Variants in ASTN1 observed in about 807,000 individuals in gnomAD.
ASTN1 encodes the protein astrotactin 1.
A neutral mutation model predicts 140.7 loss-of-function variants in ASTN1; 41 were observed. The ratio of observed to expected loss-of-function variants is 0.29; its 90% CI spans 0.23 to 0.38. The LOEUF is 0.38. Among genes scored for constraint, ASTN1 ranks in the 10% least tolerant of loss-of-function variants. The pLI is 1.00. For synonymous variants in ASTN1, 640 were observed against 652.2 expected (o/e 0.98, Z 0.29); for missense variants, 1,479 against 1,678.8 (o/e 0.88, Z 2.08).
intron 1 of ASTN1, among the ~76,000 whole-genome samples, chr1:177,123,457 T>C (rs2102185139): frequency 6.6e-6 from 1 of 152,340 alleles, no homozygotes; most frequent in East Asian, 1.9e-4. Context: ...GAGCATCTGT[T>C]CCTCAGCAAA....
intron 8 of ASTN1, among the ~76,000 whole-genome samples, chr1:177,005,707 G>A (rs1290120939): frequency 6.6e-6 from 1 of 152,126 alleles, no homozygotes; most frequent in Non-Finnish European, 1.5e-5. Context: ...TGGTGTGTAT[G>A]TGTATGTGTG....
chr1:177,013,887 A>G (rs2101938060), intron 8 of ASTN1, among the ~76,000 whole-genome samples: 1 of 152,306 alleles, frequency 6.6e-6, no homozygotes, highest in Non-Finnish European at 1.5e-5. Flanking sequence ...TTGCTTTTAA[A>G]AAGTAATAGA....
chr1:177,105,657 C>A (rs936419936), intron 1 of ASTN1, among the ~76,000 whole-genome samples: 19 of 151,236 alleles, frequency 1.3e-4, no homozygotes, highest in Admixed American at 5.9e-4. Flanking sequence ...AAAAAAAAAA[C>A]CTCACATTTA....
chr1:176,873,015 A>G (rs185700609), intron 21 of ASTN1, among the ~76,000 whole-genome samples: 114 of 152,322 alleles, frequency 7.5e-4, no homozygotes, highest in Non-Finnish European at 1.3e-4. Flanking sequence ...TACTGCCTAG[A>G]ACAGGTATTT....
chr1:176,912,724 G>A (rs1670299050), intron 16 of ASTN1, among the ~76,000 whole-genome samples: 1 of 152,164 alleles, frequency 6.6e-6, no homozygotes, highest in African/African-American at 2.4e-5. Context: ...AACACAGGGG[G>A]ATGGTGGAAT....
chr1:176,960,085 G>T (rs1449552190), intron 9 of ASTN1, among the ~76,000 whole-genome samples: 1 of 152,070 alleles, frequency 6.6e-6, no homozygotes, highest in African/African-American at 2.4e-5. Flanking sequence ...ACTTCATCTG[G>T]TAAGATTAAG....
chr1:176,882,982 C>T lies in ASTN1; in HGVS notation c.3239G>A (p.Ser1080Asn), dbSNP rs1222221137. 1 of 1,614,104 alleles carries T rather than the reference C, an allele frequency of 6.2e-7. No homozygotes were observed. Among genetic ancestry groups the T allele is most frequent in the South Asian group, 1.1e-5 (1 of 91,076 alleles). Residue 1080 changes from serine to asparagine, a missense_variant, in exon 20 of 23, where the codon AGC (serine) becomes AAC (asparagine). Around this residue, in one of 3 missense-constraint regions of ASTN1, gnomAD observed 746 missense variants for 800.9 expected, o/e 0.93. Transcript: ENST00000361833. ...HSKVETETVLSFVDDIISGAK... is the reference protein window; with the variant it reads ...HSKVETETVLNFVDDIISGAK... ...TCCAGAGATGATGTCGTCCACAAAG[C>T]TCAGCACTGTTTCTGCCCAGAGGAG...
At chr1:176,894,516 T>C (rs1466944994) in intron 17 of ASTN1, 46 bp downstream of exon 17, 1 of 1,596,744 alleles carries the variant, frequency 6.3e-7, no homozygotes, top group Non-Finnish European at 8.5e-7. Context: ...GAAAGCCTTC[T>C]GTTGTGGTTG....
intron 16 of ASTN1, among the ~76,000 whole-genome samples, chr1:176,921,598 T>C (rs546435359): frequency 6.6e-6 from 1 of 152,330 alleles, no homozygotes; most frequent in Non-Finnish European, 1.5e-5. Context: ...ACAATAACAA[T>C]CACTAATTGG....
At chr1:177,034,168 C>G (rs752570120) in intron 2 of ASTN1, among the ~76,000 whole-genome samples, 6 of 151,600 alleles carry the variant, frequency 4.0e-5, no homozygotes, top group Non-Finnish European at 5.9e-5. Flanking sequence ...ATAATTATAC[C>G]TTGGATTTAT....
chr1:177,154,594 A>G (rs568857583), intron 1 of ASTN1, among the ~76,000 whole-genome samples: 5 of 152,292 alleles, frequency 3.3e-5, no homozygotes, highest in African/African-American at 9.6e-5. Context: ...TATCAGAATA[A>G]CAATATGACA....
intron 21 of ASTN1, among the ~76,000 whole-genome samples, chr1:176,872,681 C>T (rs1668398352): frequency 6.6e-6 from 1 of 152,096 alleles, no homozygotes. Flanking sequence ...GTGGAATCTT[C>T]CCCACACTCT....
In ASTN1 at chr1:177,045,237, T is replaced by C. The variant is rs150207736; in HGVS notation, c.472-12388A>G. ...TAATCCCTAATTCTGTTGCTCCCCA[T>C]ATCATGGCTCTGACTGGACTTGCAG... On this transcript the variant is annotated intron_variant, in intron 2 of 22. Transcript: ENST00000361833. 1.4e-4 allele frequency among the ~76,000 whole-genome samples: 22 copies of C among 152,344 alleles called. No homozygotes were observed. The East Asian group carries it at 4.2e-3, about 29-fold the overall frequency.
At chr1:177,075,908 C>T (rs1387545797) in intron 1 of ASTN1, among the ~76,000 whole-genome samples, 2 of 152,010 alleles carry the variant, frequency 1.3e-5, no homozygotes, top group Non-Finnish European at 2.9e-5. Context: ...TCCCAAAGCA[C>T]CGTGATTACA....
chr1:177,059,007 C>G (rs941251630), intron 2 of ASTN1, among the ~76,000 whole-genome samples: 2 of 152,246 alleles, frequency 1.3e-5, no homozygotes, highest in South Asian at 4.2e-4. Flanking sequence ...CCCTAGACTC[C>G]CCTTCTGACA....
chr1:177,055,390 T>C (rs918679036), intron 2 of ASTN1, among the ~76,000 whole-genome samples: 1 of 152,246 alleles, frequency 6.6e-6, no homozygotes, highest in Non-Finnish European at 1.5e-5. Flanking sequence ...CAAACCTTAG[T>C]TGGCACTTGA....
intron 1 of ASTN1, among the ~76,000 whole-genome samples, chr1:177,120,139 T>C (rs1390487519): frequency 3.9e-5 from 6 of 152,158 alleles, no homozygotes; most frequent in Non-Finnish European, 8.8e-5. Flanking sequence ...GCAGTGGAGC[T>C]CCTATAGCTG....
At chr1:177,072,956 A>G (rs1678716132) in intron 1 of ASTN1, among the ~76,000 whole-genome samples, 1 of 152,254 alleles carries the variant, frequency 6.6e-6, no homozygotes, top group Admixed American at 6.5e-5. Flanking sequence ...AATGAAAAAA[A>G]AAAGTGCTGG....
intron 1 of ASTN1, among the ~76,000 whole-genome samples, chr1:177,136,350 C>A (rs545393517): frequency 3.5e-5 from 5 of 142,758 alleles, no homozygotes; most frequent in Middle Eastern, 3.4e-3. Flanking sequence ...TTTTATTTTT[C>A]TTCCTTTTTT....
Sources: allele counts gnomAD v4.1 joint callset (sites outside exome capture counted in the v4.1 genomes callset), GRCh38; gene constraint gnomAD v4.1.1; regional missense constraint gnomAD v4.1.1; transcripts MANE v1.5; gene names NCBI Gene and HGNC (gene_info 2026-07-23, HGNC 2026-07-21).